The following ITGA5 variants were observed in gnomAD, a reference collection of about 807,000 sequenced individuals.
The protein encoded by ITGA5 is integrin subunit alpha 5.
ITGA5 carries 55 observed loss-of-function variants against 146.3 expected under a neutral mutation model. The ratio of observed to expected loss-of-function variants is 0.38; its 90% CI spans 0.30 to 0.47. The LOEUF (loss-of-function observed/expected upper bound fraction) is 0.47, where lower values mean the gene tolerates loss of function less well. ITGA5 is among the 20% of genes least tolerant of loss of function. The pLI is 0.99. For missense variants in ITGA5, 1,131 were observed against 1,329.0 expected (o/e 0.85, Z 2.32); for synonymous variants, 500 against 531.8 (o/e 0.94, Z 0.82).
intron 19 of ITGA5, among the ~76,000 whole-genome samples, chr12:54,402,723 TA>T (rs1048402908): frequency 6.6e-5 from 10 of 151,550 alleles, no homozygotes; most frequent in Non-Finnish European, 2.9e-5. Flanking sequence ...AGAGTAATAA[TA>T]AAGTAACAAT....
rs1232930957 is a variant in ITGA5, at chr12:54,399,660, G to T, written c.2826C>A (p.Ala942=). The T allele has an allele frequency of 1.9e-6, 3 of 1,613,548 alleles. No homozygotes were observed. The highest frequency in any genetic ancestry group is 1.7e-5 in the Admixed American group (1 of 60,012). ...QSLQLHFRVW[A]KTFLQREHQP... is the part of the protein sequence containing the mutation. ...GCTCCCTCACCTGCAAGAAAGTCTTGGCCCAGACTCGGAAATGCAACTGCA... is the reference window on the plus strand; with the variant it reads ...GCTCCCTCACCTGCAAGAAAGTCTTTGCCCAGACTCGGAAATGCAACTGCA... The change falls in exon 27 of 30, where the codon GCC becomes GCA. Residue 942 remains alanine (A), a synonymous_variant. Coordinates refer to ENST00000293379, the MANE Select transcript of ITGA5 (RefSeq NM_002205.5).
chr12:54,405,079 ATCTTAGC>A, intron 12 of ITGA5, 80 bp downstream of exon 12: 1 of 1,319,106 alleles, frequency 7.6e-7, no homozygotes, highest in Non-Finnish European at 1.0e-6. Flanking sequence ...AGGTCTGGGT[ATCTTAGC>A]TGACAGATGC....
In ITGA5 at chr12:54,403,415, T is replaced by C. The variant is rs1442052995; in HGVS notation, c.1777-91A>G. 4 of 1,419,970 alleles carry C rather than the reference T, an allele frequency of 2.8e-6. No homozygotes were observed. The highest frequency in any genetic ancestry group is 3.8e-6 in the Non-Finnish European group (4 of 1,055,188). 88.0% of individuals were successfully genotyped at this position (1,419,970 alleles called of 1,614,324 possible). A position where few individuals can be genotyped will look rare whatever the true frequency, so the allele number is the denominator to read the frequency against. On this transcript the variant is annotated intron_variant, in intron 17 of 29. Coordinates refer to ENST00000293379, the MANE Select transcript of ITGA5 (RefSeq NM_002205.5). This position sits in a 1 kb window ranked among gnomAD's most constrained non-coding sequence, Gnocchi z 4.9. ...GCCTCTCTCATCTCCCTTTGTCTGC[T>C]TAGGGCCCAATTCCGACCATCCTCA...
chr12:54,404,774 G>C lies in ITGA5; in HGVS notation c.1346C>G (p.Ala449Gly). The change falls in exon 13 of 30, where the codon GCC becomes GGC. Residue 449 changes from alanine (A) to glycine (G), a missense_variant. Around this residue, in one of 3 missense-constraint regions of ITGA5, gnomAD observed 889 missense variants for 1,021.5 expected, o/e 0.87. Transcript: ENST00000293379. Reference sequence around the variant, plus strand: ...GCCAAAGAAGTCTGGGGTGTGGCTGGCTGCCCACAGGGGCTGCAGAACCTG... The same window carrying C: ...GCCAAAGAAGTCTGGGGTGTGGCTGCCTGCCCACAGGGGCTGCAGAACCTG... ...PSQVLQPLWA[A>G]SHTPDFFGSA... The C allele has an allele frequency of 6.2e-7, 1 of 1,614,070 alleles. No individual in the cohort carries two copies. Among genetic ancestry groups the C allele is most frequent in the Non-Finnish European group, 8.5e-7 (1 of 1,179,960 alleles).
At position 54,403,524 on chromosome 12, in the gene ITGA5, C is replaced by T. The variant is rs1403529590; in HGVS notation, c.1776+101G>A. Reference sequence around the variant, plus strand: ...CTCAGCCCCTACAAGAGTCCCAAGCCCTTCACTGGAGTCCCCCAGTCTTTT... The same window carrying T: ...CTCAGCCCCTACAAGAGTCCCAAGCTCTTCACTGGAGTCCCCCAGTCTTTT... On this transcript the variant is annotated intron_variant, in intron 17 of 29. Coordinates refer to ENST00000293379, the MANE Select transcript of ITGA5 (RefSeq NM_002205.5). This position sits in a 1 kb window ranked among gnomAD's most constrained non-coding sequence, Gnocchi z 4.9. The T allele has an allele frequency of 7.2e-7, 1 of 1,393,952 alleles. No homozygotes were observed. Among genetic ancestry groups the T allele is most frequent in the Non-Finnish European group, 9.7e-7 (1 of 1,025,952 alleles). The allele number at this position is 1,393,952 out of a possible 1,614,324, so 86.3% of individuals were successfully genotyped here. A position where few individuals can be genotyped will look rare whatever the true frequency, so the allele number is the denominator to read the frequency against.
At chr12:54,411,783 C>T (rs769422649) in intron 2 of ITGA5, 51 bp downstream of exon 2, 2 of 1,420,328 alleles carry the variant, frequency 1.4e-6, no homozygotes, top group South Asian at 1.6e-5. Context: ...AGGCCTTGCC[C>T]CCAGGCTGCA....
chr12:54,402,984 C>T lies in ITGA5; in HGVS notation c.1981G>A (p.Gly661Arg). The T allele has an allele frequency of 6.2e-7, 1 of 1,614,032 alleles. No homozygotes were observed. The highest frequency in any genetic ancestry group is 8.5e-7 in the Non-Finnish European group (1 of 1,179,942). ...TAGCTTACCGTCAGCCCTACTTACC[C>T]AAACACTTCCAGCTGCAGGTCAGGC... ...CVPDLQLEVF[G>R]EQNHVYLGDK... The change falls in exon 19 of 30, where the codon GGG (glycine) becomes AGG (arginine). Residue 661 changes from glycine to arginine, a missense_variant and splice_region_variant. Gly to Arg is a moderately radical substitution (Grantham distance 125). Around this residue, in one of 3 missense-constraint regions of ITGA5, gnomAD observed 889 missense variants for 1,021.5 expected, o/e 0.87. Transcript: ENST00000293379.
rs186331345 is a variant in ITGA5, at chr12:54,396,135, C to T, written c.*158G>A. 1.6e-6 allele frequency: 1 copy of T among 610,308 alleles called. No homozygotes were observed. Among genetic ancestry groups the T allele is most frequent in the African/African-American group, 1.9e-5 (1 of 54,008 alleles). The allele number at this position is 610,308 out of a possible 1,614,324, so 37.8% of individuals were successfully genotyped here. A position where few individuals can be genotyped will look rare whatever the true frequency, so the allele number is the denominator to read the frequency against. ...GGGGGAGGGATCCCCAGCTCCTCAC[C>T]CCCCTGGCTCTGGCCCTTCAAGTAT... On this transcript the variant is annotated 3_prime_UTR_variant, in exon 30 of 30. Coordinates refer to ENST00000293379, the MANE Select transcript of ITGA5 (RefSeq NM_002205.5).
intron 27 of ITGA5, 137 bp from the exon 28 acceptor site, chr12:54,398,835 CTTTTTTT>C (rs34443272): frequency 1.2e-4 from 27 of 220,474 alleles, no homozygotes; most frequent in East Asian, 6.1e-4. Flanking sequence ...CTCTCTCTCT[CTTTTTTT>C]TTTTTTTTTT....
chr12:54,409,741 G>A lies in ITGA5; in HGVS notation c.350-144C>T, dbSNP rs1034673667. ...TCGCTGGGAGTGTGGAATTGGTAAG[G>A]AGCTTAATTCTGCTTTGTGTAGTCT... On this transcript the variant is annotated intron_variant, in intron 2 of 29. Coordinates refer to ENST00000293379, the MANE Select transcript of ITGA5 (RefSeq NM_002205.5). The surrounding 1 kb of genome is among the most constrained non-coding windows in gnomAD (Gnocchi z 4.7). 9.9e-6 allele frequency: 6 copies of A among 607,658 alleles called. No homozygotes were observed. The highest frequency in any genetic ancestry group is 1.9e-5 in the African/African-American group (1 of 53,980). The allele number at this position is 607,658 out of a possible 1,614,324, so 37.6% of individuals were successfully genotyped here. A position where few individuals can be genotyped will look rare whatever the true frequency, so the allele number is the denominator to read the frequency against.
rs776793133 is a variant in ITGA5 at position 54,403,237 on chromosome 12, C to T, written c.1864G>A (p.Gly622Ser). Reference protein sequence around the residue: ...LDPQAPVDSHGLRPALHYQSK... With the variant: ...LDPQAPVDSHSLRPALHYQSK... ...TGATAATGTAGGGCTGGCCTGAGGCCGTGGCTGTCCACTGGGGCTTGGGGG... is the reference window on the plus strand; with the variant it reads ...TGATAATGTAGGGCTGGCCTGAGGCTGTGGCTGTCCACTGGGGCTTGGGGG... The change falls in exon 18 of 30, where the codon GGC becomes AGC. Residue 622 changes from glycine (G) to serine (S), a missense_variant. By Grantham distance (56) the Gly-to-Ser change is moderately conservative. Transcript: ENST00000293379. This position sits in a 1 kb window ranked among gnomAD's most constrained non-coding sequence, Gnocchi z 4.9. 10 of 1,567,892 alleles carry T rather than the reference C, an allele frequency of 6.4e-6. No homozygotes were observed. The East Asian group carries it at 6.8e-5, about 11-fold the overall frequency.
Position 54,404,265 on chromosome 12 carries a change from G to T in ITGA5, c.1464-19C>A, listed in dbSNP as rs1215276079. 5 of 1,595,426 alleles carry T rather than the reference G, an allele frequency of 3.1e-6. No homozygotes were observed. In the South Asian group the frequency reaches 5.7e-5, roughly 18 times the overall value. ...GCGGCCCCTGCCAAGAGTGAATGTGGGGTCAATAGAATTAGGACTCCTCTG... is the reference window on the plus strand; with the variant it reads ...GCGGCCCCTGCCAAGAGTGAATGTGTGGTCAATAGAATTAGGACTCCTCTG... On this transcript the variant is annotated intron_variant, in intron 14 of 29. Transcript: ENST00000293379.
chr12:54,405,032 C>A, intron 12 of ITGA5, 134 bp downstream of exon 12: 1 of 1,197,788 alleles, frequency 8.3e-7, no homozygotes, highest in Non-Finnish European at 1.2e-6. Flanking sequence ...ATCCCAAGAC[C>A]CAGACAGTGG....
chr12:54,407,745 A>G (rs376906758), intron 8 of ITGA5, 53 bp from the exon 9 acceptor site: 1 of 1,604,328 alleles, frequency 6.2e-7, no homozygotes. Flanking sequence ...GGAAGCAGAT[A>G]ATGGTAAGTG....
Position 54,401,885 on chromosome 12 carries a change from A to AG in ITGA5, c.2227-31dup. 1 of 1,609,410 alleles carries AG rather than the reference A, an allele frequency of 6.2e-7. No homozygotes were observed. Among genetic ancestry groups the AG allele is most frequent in the Non-Finnish European group, 8.5e-7 (1 of 1,175,748 alleles). On this transcript the variant is annotated intron_variant, in intron 21 of 29. Coordinates refer to ENST00000293379, the MANE Select transcript of ITGA5 (RefSeq NM_002205.5). This position sits in a 1 kb window ranked among gnomAD's most constrained non-coding sequence, Gnocchi z 5.0. Reference sequence around the variant, plus strand: ...GGACAGAAAAAGAGGAAAAGAGGGCAGTTAGACTGTGTATTTCACCCTCCC... The same window carrying AG: ...GGACAGAAAAAGAGGAAAAGAGGGCAGGTTAGACTGTGTATTTCACCCTCCC...
intron 28 of ITGA5, among the ~76,000 whole-genome samples, chr12:54,398,128 G>A (rs1413582791): frequency 6.6e-6 from 1 of 152,128 alleles, no homozygotes; most frequent in Non-Finnish European, 1.5e-5. Flanking sequence ...GAACTTCTGA[G>A]CTCAAGCAAT....
chr12:54,413,703 A>T (rs1292748738), intron 1 of ITGA5, among the ~76,000 whole-genome samples: 1 of 152,220 alleles, frequency 6.6e-6, no homozygotes, highest in African/African-American at 2.4e-5. Context: ...GGCTCTAGAA[A>T]GCAGAAAGGG....
intron 2 of ITGA5, among the ~76,000 whole-genome samples, chr12:54,410,154 T>C (rs1232933085): frequency 6.6e-6 from 1 of 151,372 alleles, no homozygotes; most frequent in Non-Finnish European, 1.5e-5. Flanking sequence ...TGCGCCCGCG[T>C]AGAACCTGGG....
rs1956003547 is a variant in ITGA5 at position 54,416,012 on chromosome 12, G to C, written c.218+2969C>G. Among the ~76,000 whole-genome samples the C allele has an allele frequency of 1.3e-5, 2 of 152,116 alleles. No individual in the cohort carries two copies. The highest frequency in any genetic ancestry group is 2.9e-5 in the Non-Finnish European group (2 of 68,006). On this transcript the variant is annotated intron_variant, in intron 1 of 29. Coordinates refer to ENST00000293379, the MANE Select transcript of ITGA5 (RefSeq NM_002205.5). The surrounding 1 kb of genome is among the most constrained non-coding windows in gnomAD (Gnocchi z 4.1). Reference sequence around the variant, plus strand: ...TTGAATGTTTCCTAAACTAACTTCTGGTTCAAAATTTCTATGACTCCTGAA... The same window carrying C: ...TTGAATGTTTCCTAAACTAACTTCTCGTTCAAAATTTCTATGACTCCTGAA...
Sources: gnomAD v4.1 joint callset for allele counts (sites outside exome capture counted in the v4.1 genomes callset) on GRCh38, gnomAD v4.1.1 for gene constraint, gnomAD v4.1.1 regional missense constraint, Gnocchi (gnomAD v3.1) non-coding constraint, MANE v1.5 for transcripts, NCBI Gene and HGNC (gene_info 2026-07-23, HGNC 2026-07-21) for gene names.